Variants in NAA25 observed in about 807,000 individuals in gnomAD.
NAA25 encodes the protein N-alpha-acetyltransferase 25, NatB auxiliary subunit.
A neutral mutation model predicts 132.5 loss-of-function variants in NAA25; 30 were observed. The observed-to-expected ratio is 0.23, with a 90% confidence interval of 0.17 to 0.31. The LOEUF (loss-of-function observed/expected upper bound fraction) is 0.31. Ranked by LOEUF, NAA25 falls within the 10% of genes least tolerant of loss-of-function variation. The probability of loss-of-function intolerance (pLI) is 1.00; values close to 1 mark genes in which losing one functional copy is unlikely to be tolerated. For synonymous variants in NAA25, 359 were observed against 401.9 expected (o/e 0.89, Z 1.28); for missense variants, 771 against 1,150.4 (o/e 0.67, Z 4.77).
chr12:112,040,254 C>T (rs1044966089), intron 21 of NAA25: 1 of 397,308 alleles, frequency 2.5e-6, no homozygotes, highest in Admixed American at 4.7e-5. Context: ...GAGATGAGTA[C>T]AGCAAATTTC....
At chr12:112,085,437 T>A (rs921017059) in intron 4 of NAA25, among the ~76,000 whole-genome samples, 1 of 152,154 alleles carries the variant, frequency 6.6e-6, no homozygotes, top group Non-Finnish European at 1.5e-5. Context: ...TATATCTTTT[T>A]TGAGGACAAC....
chr12:112,041,181 TA>T (rs1337347759), intron 20 of NAA25, among the ~76,000 whole-genome samples: 3 of 148,616 alleles, frequency 2.0e-5, no homozygotes, highest in South Asian at 4.3e-4. Context: ...TTTAGGGTCC[TA>T]AAAAGACACT....
chr12:112,038,718 G>A (rs1414920194), intron 22 of NAA25, among the ~76,000 whole-genome samples: 3 of 152,092 alleles, frequency 2.0e-5, no homozygotes, highest in East Asian at 3.9e-4. Context: ...AGTGGCTCAC[G>A]CCTGTAATCT....
intron 20 of NAA25, 110 bp from the exon 21 acceptor site, chr12:112,040,688 ATTTG>A: frequency 3.1e-6 from 2 of 642,598 alleles, no homozygotes; most frequent in East Asian, 2.9e-5. Flanking sequence ...TTAGAAAGCT[ATTTG>A]TTTTTCATTT....
intron 1 of NAA25, among the ~76,000 whole-genome samples, chr12:112,106,736 T>C (rs2079366369): frequency 6.8e-6 from 1 of 146,768 alleles, no homozygotes; most frequent in Admixed American, 6.8e-5. Context: ...GCAGGACTGC[T>C]TGAGCTCAGG....
intron 1 of NAA25, among the ~76,000 whole-genome samples, chr12:112,104,717 T>C (rs2079337366): frequency 6.6e-6 from 1 of 151,740 alleles, no homozygotes; most frequent in Admixed American, 6.6e-5. Context: ...GCGCCTGTAT[T>C]CCCAGCTGCT....
At chr12:112,091,036 G>A (rs1167978493) in intron 2 of NAA25, among the ~76,000 whole-genome samples, 172 bp from the exon 3 acceptor site, 1 of 152,088 alleles carries the variant, frequency 6.6e-6, no homozygotes, top group Non-Finnish European at 1.5e-5. Context: ...GGGAGGCCAA[G>A]ACAGGCACAT....
chr12:112,071,216 C>T (rs1236510432), intron 10 of NAA25, among the ~76,000 whole-genome samples: 5 of 147,450 alleles, frequency 3.4e-5, no homozygotes, highest in African/African-American at 7.6e-5. Flanking sequence ...AACGGGGTTA[C>T]GGCCATGTTG....
chr12:112,043,099 G>A lies in NAA25; in HGVS notation c.2363C>T (p.Thr788Ile), dbSNP rs377044366. The stretch of plus-strand genomic sequence containing the variant: ...CAGTGTACACTTACCTAAACCACTG[G>A]TATCCAGCTCATAAATATCATTGAC... ...YLVNDIYELD[T>I]SGLEDTMEIQ... Residue 788 changes from threonine to isoleucine, a missense_variant, in exon 19 of 24, where the codon ACC (threonine) becomes ATC (isoleucine). Physicochemically the swap from Thr to Ile is moderately conservative, Grantham distance 89. Coordinates refer to ENST00000261745, the MANE Select transcript of NAA25 (RefSeq NM_024953.4). 4.3e-6 allele frequency: 7 copies of A among 1,610,846 alleles called. No individual in the cohort carries two copies. The South Asian group carries it at 4.4e-5, about 10-fold the overall frequency.
In NAA25 at chr12:112,048,450, A is replaced by G. The variant is rs1291539661; in HGVS notation, c.1729-7T>C. The G allele has an allele frequency of 6.2e-7, 1 of 1,612,932 alleles. No homozygotes were observed. Among genetic ancestry groups the G allele is most frequent in the Non-Finnish European group, 8.5e-7 (1 of 1,179,204 alleles). ...GAATAATATATTCTGAGGTCTGAGA[A>G]GGAAAGACATCACCTTGGTATAAAT... On this transcript the variant is annotated splice_region_variant and splice_polypyrimidine_tract_variant and intron_variant, in intron 15 of 23. Coordinates refer to ENST00000261745, the MANE Select transcript of NAA25 (RefSeq NM_024953.4).
chr12:112,096,574 G>A (rs538144905), intron 1 of NAA25, among the ~76,000 whole-genome samples: 10 of 152,286 alleles, frequency 6.6e-5, no homozygotes, highest in African/African-American at 2.2e-4. Flanking sequence ...ACAATTTAGA[G>A]AGGAAGGCCA....
chr12:112,080,510 A>G (rs2136907236), intron 5 of NAA25, among the ~76,000 whole-genome samples: 1 of 151,894 alleles, frequency 6.6e-6, no homozygotes, highest in South Asian at 2.1e-4. Flanking sequence ...TGTCTCTACA[A>G]CATTTTTTTG....
At chr12:112,085,835 T>C (rs1414800844) in intron 4 of NAA25, among the ~76,000 whole-genome samples, 2 of 150,020 alleles carry the variant, frequency 1.3e-5, no homozygotes, top group East Asian at 2.0e-4. Flanking sequence ...CTGGCCAACA[T>C]GGTGAAACCC....
intron 4 of NAA25, among the ~76,000 whole-genome samples, chr12:112,086,092 A>G (rs2136918994): frequency 7.4e-6 from 1 of 134,826 alleles, no homozygotes; most frequent in Non-Finnish European, 1.5e-5. Flanking sequence ...ACACACACAC[A>G]CACACACACA....
intron 1 of NAA25, among the ~76,000 whole-genome samples, chr12:112,099,287 CTT>C (rs375795490): frequency 5.0e-4 from 73 of 147,282 alleles, no homozygotes; most frequent in Non-Finnish European, 7.4e-4. Flanking sequence ...CGCACTCGGC[CTT>C]TTTTTTTTTC....
In NAA25 at chr12:112,093,093, T is replaced by C. The variant is rs779758074; in HGVS notation, c.102A>G (p.Ala34=). ...NGNNKMAIQQ[A]DKLLKKHKDL... The stretch of plus-strand genomic sequence containing the variant: ...CCTTATGTTTCTTCAACAGTTTATC[T>C]GCTTGCTGAATTGCCATTTTATTAT... The change falls in exon 2 of 24, where the codon GCA becomes GCG. Residue 34 remains alanine, a synonymous_variant. Coordinates refer to ENST00000261745, the MANE Select transcript of NAA25 (RefSeq NM_024953.4). 6.2e-7 allele frequency: 1 copy of C among 1,613,130 alleles called. No individual in the cohort carries two copies. The highest frequency in any genetic ancestry group is 1.7e-5 in the Admixed American group (1 of 59,942).
chr12:112,030,928 T>C (rs2078140830), intron 23 of NAA25, among the ~76,000 whole-genome samples: 1 of 148,398 alleles, frequency 6.7e-6, no homozygotes, highest in Non-Finnish European at 1.5e-5. Flanking sequence ...CTCTTGAATA[T>C]AAAACTGAAT....
chr12:112,078,065 A>G (rs2078918599), intron 7 of NAA25, 123 bp downstream of exon 7: 1 of 670,960 alleles, frequency 1.5e-6, no homozygotes, highest in African/African-American at 1.9e-5. Flanking sequence ...GTCTGGAAGA[A>G]TATAACAAAA....
intron 3 of NAA25, among the ~76,000 whole-genome samples, chr12:112,088,686 T>C (rs1029680162): frequency 6.6e-6 from 1 of 151,554 alleles, no homozygotes; most frequent in African/African-American, 2.4e-5. Context: ...AATGGTGCGA[T>C]CTCGGCTCAC....
Sources: gnomAD v4.1 joint callset for allele counts (sites outside exome capture counted in the v4.1 genomes callset) on GRCh38, gnomAD v4.1.1 for gene constraint, MANE v1.5 for transcripts, NCBI Gene and HGNC (gene_info 2026-07-23, HGNC 2026-07-21) for gene names.